The following RAB4B variants were observed in gnomAD, a reference collection of about 807,000 sequenced individuals.
RAB4B encodes RAB4B, member RAS oncogene family.
A neutral mutation model predicts 28.3 loss-of-function variants in RAB4B; 15 were observed. That is an observed-to-expected ratio of 0.53 (90% CI 0.35 to 0.82). The LOEUF (loss-of-function observed/expected upper bound fraction) is 0.82, where lower values mean the gene tolerates loss of function less well. Ranked by LOEUF, RAB4B falls within the 40% of genes least tolerant of loss-of-function variation. The pLI, the probability that RAB4B is intolerant of heterozygous loss-of-function variation, is 0.01. For missense variants in RAB4B, 244 were observed against 288.5 expected, an observed-to-expected ratio of 0.85 and a Z score of 1.12; for synonymous variants, 108 against 116.3, an observed-to-expected ratio of 0.93 and a Z score of 0.46.
chr19:40,794,096 TGGAG>T (rs1167346870), intron 7 of RAB4B, among the ~76,000 whole-genome samples: 1 of 151,630 alleles, frequency 6.6e-6, no homozygotes, highest in Non-Finnish European at 1.5e-5. Context: ...TTTTTTGAGA[TGGAG>T]TTTCGCTTAT....
At chr19:40,791,902 G>A (rs1424042376) in intron 7 of RAB4B, among the ~76,000 whole-genome samples, 1 of 152,166 alleles carries the variant, frequency 6.6e-6, no homozygotes, top group African/African-American at 2.4e-5. Flanking sequence ...CAAAGTGCTG[G>A]AATTATAGGC....
chr19:40,786,376 A>C, intron 5 of RAB4B: 1 of 393,930 alleles, frequency 2.5e-6, no homozygotes, highest in Non-Finnish European at 4.8e-6. Context: ...GGGCCAGGAT[A>C]GGGGGCCACA....
chr19:40,779,912 C>T, intron 1 of RAB4B, 107 bp from the exon 2 acceptor site: 1 of 1,595,012 alleles, frequency 6.3e-7, no homozygotes, highest in Non-Finnish European at 8.6e-7. Context: ...CTGTTTCTCT[C>T]CCTCTAACTG....
intron 7 of RAB4B, among the ~76,000 whole-genome samples, chr19:40,790,520 G>A (rs992947422): frequency 9.6e-5 from 14 of 146,408 alleles, no homozygotes; most frequent in African/African-American, 3.3e-4. Flanking sequence ...ACAGGCACCC[G>A]TCACCATGCC....
intron 7 of RAB4B, among the ~76,000 whole-genome samples, chr19:40,788,041 G>T (rs1228934819): frequency 6.7e-6 from 1 of 148,662 alleles, no homozygotes; most frequent in Non-Finnish European, 1.5e-5. Flanking sequence ...CCAGCTTCCT[G>T]CCCTAGACCT....
At chr19:40,785,502 C>T (rs2083090454) in intron 5 of RAB4B, 1 of 152,036 alleles carries the variant, frequency 6.6e-6, no homozygotes, top group Admixed American at 6.6e-5. Context: ...CAGAGAGAGA[C>T]TTTGTCTCAA....
chr19:40,782,719 A>G (rs936682289), intron 3 of RAB4B, among the ~76,000 whole-genome samples: 15 of 152,074 alleles, frequency 9.9e-5, no homozygotes, highest in Non-Finnish European at 5.9e-5. Context: ...AGGCTGAGGC[A>G]GGAGAATCAC....
intron 7 of RAB4B, among the ~76,000 whole-genome samples, chr19:40,791,587 T>G (rs1312554403): frequency 6.6e-6 from 1 of 151,970 alleles, no homozygotes; most frequent in African/African-American, 2.4e-5. Flanking sequence ...CTCTTTTCCC[T>G]GGCAACCTCC....
At chr19:40,778,422 G>T in intron 1 of RAB4B, 31 bp downstream of exon 1, 1 of 1,439,528 alleles carries the variant, frequency 6.9e-7, no homozygotes, top group South Asian at 1.5e-5. Context: ...TGGGGTCCTG[G>T]GTCTGGGCCC....
Position 40,780,005 on chromosome 19 carries a change from C to A in RAB4B, c.17-14C>A, listed in dbSNP as rs1407089503. 1.2e-6 allele frequency: 2 copies of A among 1,612,012 alleles called. No individual in the cohort carries two copies. Among genetic ancestry groups the A allele is most frequent in the African/African-American group, 2.7e-5 (2 of 74,836 alleles). ...TCCCTGTGGGTATCCCTGATTTTGGCTCCATCTGGTCAGACTTCCTCTTCA... is the reference window on the plus strand; with the variant it reads ...TCCCTGTGGGTATCCCTGATTTTGGATCCATCTGGTCAGACTTCCTCTTCA... On this transcript the variant is annotated splice_polypyrimidine_tract_variant and intron_variant, in intron 1 of 7. Transcript: ENST00000357052.
At chr19:40,782,015 C>T (rs1338640019) in intron 3 of RAB4B, among the ~76,000 whole-genome samples, 5 of 93,246 alleles carry the variant, frequency 5.4e-5, no homozygotes, top group Admixed American at 2.5e-4. Context: ...AGCTAGGCTC[C>T]GTTTCAAAAA....
intron 7 of RAB4B, chr19:40,794,676 T>G (rs1322859876): frequency 6.6e-6 from 1 of 152,076 alleles, no homozygotes; most frequent in Non-Finnish European, 1.5e-5. Context: ...ACCTGGAGAA[T>G]TTTAAAAGAT....
intron 7 of RAB4B, 57 bp downstream of exon 7, chr19:40,787,035 G>A (rs1447878250): frequency 1.4e-6 from 2 of 1,392,454 alleles, no homozygotes; most frequent in Non-Finnish European, 2.0e-6. Context: ...GGGGGAGATG[G>A]TGTGGAGATA....
At chr19:40,781,977 C>G (rs2545778) in intron 3 of RAB4B, among the ~76,000 whole-genome samples, 12,830 of 147,118 alleles carry the variant, frequency 0.087, 818 homozygotes, top group East Asian at 0.2. Context: ...GCCCAGATCG[C>G]GCCACTGCAC....
intron 1 of RAB4B, 28 bp downstream of exon 1, chr19:40,778,419 C>G: frequency 1.4e-6 from 2 of 1,446,186 alleles, no homozygotes; most frequent in Non-Finnish European, 1.8e-6. Flanking sequence ...AGCTGGGGTC[C>G]TGGGTCTGGG....
chr19:40,783,810 C>T lies in RAB4B; in HGVS notation c.245C>T (p.Ala82Val). 2.1e-6 allele frequency: 3 copies of T among 1,419,640 alleles called. No individual in the cohort carries two copies. The highest frequency in any genetic ancestry group is 1.9e-6 in the Non-Finnish European group (2 of 1,061,438). The allele number at this position is 1,419,640 out of a possible 1,614,324, so 87.9% of individuals were successfully genotyped here. A position where few individuals can be genotyped will look rare whatever the true frequency, so the allele number is the denominator to read the frequency against. Residue 82 changes from alanine to valine, a missense_variant, in exon 4 of 8, where the codon GCT (alanine) becomes GTT (valine). Ala to Val is a moderately conservative substitution (Grantham distance 64). Coordinates refer to ENST00000357052, the MANE Select transcript of RAB4B (RefSeq NM_016154.5). ...SVTRSYYRGAAGALLVYDITS... is the reference protein window; with the variant it reads ...SVTRSYYRGAVGALLVYDITS... ...ACGCGGAGTTATTACCGAGGGGCGGCTGGAGCCCTGCTGGTGTACGACATC... is the reference window on the plus strand; with the variant it reads ...ACGCGGAGTTATTACCGAGGGGCGGTTGGAGCCCTGCTGGTGTACGACATC...
At chr19:40,794,372 G>T (rs28660501) in intron 7 of RAB4B, among the ~76,000 whole-genome samples, 36,057 of 151,652 alleles carry the variant, frequency 0.24, 5,544 homozygotes, top group African/African-American at 0.44. Flanking sequence ...ACTGCGCCCG[G>T]CCTATTTACA....
Position 40,781,588 on chromosome 19 carries a change from T to C in RAB4B, c.212+1089T>C, listed in dbSNP as rs11665934. On this transcript the variant is annotated intron_variant, in intron 3 of 7. Transcript: ENST00000357052. Reference sequence around the variant, plus strand: ...AGTTTGAGACCAGCCTGGGCAACATTGTGAAATCCCATCTTTCCAAAAGAG... The same window carrying C: ...AGTTTGAGACCAGCCTGGGCAACATCGTGAAATCCCATCTTTCCAAAAGAG... Among the ~76,000 whole-genome samples the C allele has an allele frequency of 9.5e-4, 144 of 151,646 alleles. 1 individual carries two copies. The highest frequency in any genetic ancestry group is 3.1e-3 in the Admixed American group (47 of 15,222).
intron 3 of RAB4B, 123 bp downstream of exon 3, chr19:40,780,622 C>A: frequency 1.3e-6 from 1 of 746,434 alleles, no homozygotes; most frequent in Non-Finnish European, 2.3e-6. Context: ...AGAGATGAGA[C>A]ACCGTAGTTA....
Sources: gnomAD v4.1 joint callset for allele counts (sites outside exome capture counted in the v4.1 genomes callset) on GRCh38, gnomAD v4.1.1 for gene constraint, MANE v1.5 for transcripts, NCBI Gene and HGNC (gene_info 2026-07-23, HGNC 2026-07-21) for gene names.